Variants in ZNF264 observed in about 807,000 individuals in gnomAD.
ZNF264 encodes the protein zinc finger protein 264.
A neutral mutation model predicts 11.2 loss-of-function variants in ZNF264; 11 were observed. The ratio of observed to expected loss-of-function variants is 0.98; its 90% CI spans 0.62 to 1.63. ZNF264 has a LOEUF of 1.63. Among genes scored for constraint, ZNF264 ranks in the 40% most tolerant of loss-of-function variants. The pLI, the probability that ZNF264 is intolerant of heterozygous loss-of-function variation, is 0.00. For missense variants in ZNF264, 752 were observed against 768.1 expected (o/e 0.98, Z 0.25); for synonymous variants, 309 against 279.8 (o/e 1.10, Z -1.04).
At position 57,205,461 on chromosome 19, in the gene ZNF264, G is replaced by A. The variant is rs758211173; in HGVS notation, c.225G>A (p.Arg75=). Reference sequence around the variant, plus strand: ...AGCATGGGCAGGAGCCATGGACCAGGAAGGAAGACCTCTCCCAAGACACCT... The same window carrying A: ...AGCATGGGCAGGAGCCATGGACCAGAAAGGAAGACCTCTCCCAAGACACCT... ...HLEHGQEPWT[R]KEDLSQDTCP... is the part of the protein sequence containing the mutation. Residue 75 remains arginine (R), a synonymous_variant, in exon 3 of 4, where the codon AGG becomes AGA. Coordinates refer to ENST00000263095, the MANE Select transcript of ZNF264 (RefSeq NM_003417.5). 2.2e-5 allele frequency: 36 copies of A among 1,612,250 alleles called. No individual in the cohort carries two copies. The highest frequency in any genetic ancestry group is 3.1e-5 in the Non-Finnish European group (36 of 1,179,286).
At chr19:57,208,523 A>G (rs1331463586) in intron 3 of ZNF264, among the ~76,000 whole-genome samples, 1 of 152,148 alleles carries the variant, frequency 6.6e-6, no homozygotes, top group African/African-American at 2.4e-5. Flanking sequence ...AGCCTGGGTG[A>G]CAGTGAGCTC....
At chr19:57,210,880 G>C (rs552272718) in intron 3 of ZNF264, among the ~76,000 whole-genome samples, 1 of 152,084 alleles carries the variant, frequency 6.6e-6, no homozygotes. Flanking sequence ...AAACATTTTG[G>C]AACTACTCAG....
chr19:57,222,103 T>G lies in ZNF264; in HGVS notation c.*9122T>G, dbSNP rs764604333. On this transcript the variant is annotated 3_prime_UTR_variant, in exon 4 of 4. Transcript: ENST00000263095. ...TGGCTCACGCCTGTGATACCAGCACTTTTGGGAGGCTGAGGCGGGTGGATC... is the reference window on the plus strand; with the variant it reads ...TGGCTCACGCCTGTGATACCAGCACGTTTGGGAGGCTGAGGCGGGTGGATC... 1.3e-5 allele frequency: 2 copies of G among 152,042 alleles called. No homozygotes were observed. Among genetic ancestry groups the G allele is most frequent in the Non-Finnish European group, 2.9e-5 (2 of 68,006 alleles). 9.4% of individuals were successfully genotyped at this position (152,042 alleles called of 1,614,324 possible). A position where few individuals can be genotyped will look rare whatever the true frequency, so the allele number is the denominator to read the frequency against.
In ZNF264 at chr19:57,212,304, G is replaced by A. The variant is rs773949817; in HGVS notation, c.1207G>A (p.Glu403Lys). ...HTGEKPFECL[E>K]CGKAFNHRSY... ...TGGAGAGAAGCCCTTTGAGTGCCTC[G>A]AGTGTGGGAAGGCTTTCAACCACCG... The change falls in exon 4 of 4, where the codon GAG becomes AAG. Residue 403 changes from glutamate (E) to lysine (K), a missense_variant. Physicochemically the swap from Glu to Lys is moderately conservative, Grantham distance 56 (BLOSUM62 1). Coordinates refer to ENST00000263095, the MANE Select transcript of ZNF264 (RefSeq NM_003417.5). The A allele has an allele frequency of 8.7e-6, 14 of 1,613,752 alleles. No individual in the cohort carries two copies. The highest frequency in any genetic ancestry group is 3.3e-5 in the South Asian group (3 of 91,078).
intron 1 of ZNF264, 148 bp from the exon 2 acceptor site, chr19:57,193,727 C>T: frequency 8.3e-7 from 1 of 1,199,996 alleles, no homozygotes. Context: ...ATCTATCTTC[C>T]CTCTTGAGCC....
At position 57,212,109 on chromosome 19, in the gene ZNF264, A is replaced by G; in HGVS notation, c.1012A>G (p.Ser338Gly). The change falls in exon 4 of 4, where the codon AGT (serine) becomes GGT (glycine). Residue 338 changes from serine (S) to glycine (G), a missense_variant. Ser to Gly is a moderately conservative substitution (Grantham distance 56). Transcript: ENST00000263095. Reference sequence around the variant, plus strand: ...CTTTCTCCGGCACTATGTTGTCCACAGTGGTGAGAATCCCTATGAGTGCTT... The same window carrying G: ...CTTTCTCCGGCACTATGTTGTCCACGGTGGTGAGAATCCCTATGAGTGCTT... Reference protein sequence around the residue: ...PGFLRHYVVHSGENPYECLEC... With the variant: ...PGFLRHYVVHGGENPYECLEC... 6.2e-7 allele frequency: 1 copy of G among 1,614,206 alleles called. No individual in the cohort carries two copies. The highest frequency in any genetic ancestry group is 8.5e-7 in the Non-Finnish European group (1 of 1,180,044).
In ZNF264 at chr19:57,212,869, G is replaced by A; in HGVS notation, c.1772G>A (p.Gly591Glu). ...TSVTLRELLL[G>E]KDFLNVTTEA... ...GTTACCCTTCGAGAACTTCTTTTAG[G>A]GAAGGACTTTTTGAATGTAACCACT... is the stretch of plus-strand genomic sequence containing the variant. The change falls in exon 4 of 4, where the codon GGG (glycine) becomes GAG (glutamate). Residue 591 changes from glycine to glutamate, a missense_variant. Physicochemically the swap from Gly to Glu is moderately conservative, Grantham distance 98. Transcript: ENST00000263095. 6.2e-7 allele frequency: 1 copy of A among 1,614,154 alleles called. No homozygotes were observed. The highest frequency in any genetic ancestry group is 8.5e-7 in the Non-Finnish European group (1 of 1,180,024).
chr19:57,205,469 A>T lies in ZNF264; in HGVS notation c.233A>T (p.Asp78Val). 1 of 1,611,414 alleles carries T rather than the reference A, an allele frequency of 6.2e-7. No homozygotes were observed. The highest frequency in any genetic ancestry group is 8.5e-7 in the Non-Finnish European group (1 of 1,178,924). Residue 78 changes from aspartate (D) to valine (V), a missense_variant, in exon 3 of 4, where the codon GAC (aspartate) becomes GTC (valine). Asp to Val is a radical substitution (Grantham distance 152). Coordinates refer to ENST00000263095, the MANE Select transcript of ZNF264 (RefSeq NM_003417.5). Reference sequence around the variant, plus strand: ...CAGGAGCCATGGACCAGGAAGGAAGACCTCTCCCAAGACACCTGTCCAGGT... The same window carrying T: ...CAGGAGCCATGGACCAGGAAGGAAGTCCTCTCCCAAGACACCTGTCCAGGT... ...HGQEPWTRKE[D>V]LSQDTCPGDK... is the part of the protein sequence containing the mutation.
rs2302059 is a variant in ZNF264, at chr19:57,191,841, T to C, written c.-73T>C. 0.42 allele frequency: 502,113 copies of C among 1,194,174 alleles called. 111,053 individuals carry two copies. Among genetic ancestry groups the C allele is most frequent in the African/African-American group, 0.78 (49,566 of 63,630 alleles). 74.0% of individuals were successfully genotyped at this position (1,194,174 alleles called of 1,614,324 possible). On this transcript the variant is annotated 5_prime_UTR_variant, in exon 1 of 4. Coordinates refer to ENST00000263095, the MANE Select transcript of ZNF264 (RefSeq NM_003417.5). The stretch of plus-strand genomic sequence containing the variant: ...GGAAGCCCCGGGCAACCGGCCAGGG[T>C]CGGGCACAGGTGGGGTCCGTCAGGC...
intron 2 of ZNF264, among the ~76,000 whole-genome samples, chr19:57,203,299 G>T (rs2087266951): frequency 6.6e-6 from 1 of 152,060 alleles, no homozygotes; most frequent in Admixed American, 6.6e-5. Context: ...GTGGTTGGGG[G>T]TATGGTTTGG....
chr19:57,220,579 C>T lies in ZNF264; in HGVS notation c.*7598C>T, dbSNP rs1421870161. 2.0e-5 allele frequency: 3 copies of T among 152,090 alleles called. No individual in the cohort carries two copies. The highest frequency in any genetic ancestry group is 4.4e-5 in the Non-Finnish European group (3 of 68,008). The allele number at this position is 152,090 out of a possible 1,614,324, so 9.4% of individuals were successfully genotyped here. On this transcript the variant is annotated 3_prime_UTR_variant, in exon 4 of 4. Transcript: ENST00000263095. ...CATTCCACCTTTTTTTTTAGTAGAC[C>T]CTCCATATATGTGTGTGTTTTGGTG...
At chr19:57,207,545 C>CTTTTTTTTTTTTTTTTT (rs757880568) in intron 3 of ZNF264, among the ~76,000 whole-genome samples, 3 of 103,122 alleles carry the variant, frequency 2.9e-5, no homozygotes, top group Non-Finnish European at 6.2e-5. Flanking sequence ...TTTTTCTTTT[C>CTTTTTTTTTTTTTTTTT]TTTTTTTTTT....
In ZNF264 at chr19:57,216,532, A is replaced by G. The variant is rs968423774; in HGVS notation, c.*3551A>G. The G allele has an allele frequency of 2.0e-5, 3 of 152,138 alleles. No homozygotes were observed. The highest frequency in any genetic ancestry group is 4.8e-5 in the African/African-American group (2 of 41,432). The allele number at this position is 152,138 out of a possible 1,614,324, so 9.4% of individuals were successfully genotyped here. The stretch of plus-strand genomic sequence containing the variant: ...TGTGATGTCATTTTTTTGCCTTTTA[A>G]TAGTCTTGTCAATACTTTACCTGAT... On this transcript the variant is annotated 3_prime_UTR_variant, in exon 4 of 4. Coordinates refer to ENST00000263095, the MANE Select transcript of ZNF264 (RefSeq NM_003417.5).
intron 2 of ZNF264, among the ~76,000 whole-genome samples, chr19:57,202,980 A>AC (rs950436099): frequency 2.6e-5 from 4 of 151,066 alleles, no homozygotes; most frequent in African/African-American, 9.8e-5. Flanking sequence ...ATTAGAGGAC[A>AC]CCCCCCACTG....
intron 2 of ZNF264, among the ~76,000 whole-genome samples, chr19:57,201,882 G>A (rs1221778353): frequency 3.3e-5 from 5 of 151,788 alleles, no homozygotes; most frequent in Admixed American, 6.6e-5. Context: ...TCCCATGAGC[G>A]CAGAGTCAGC....
Position 57,220,729 on chromosome 19 carries a change from A to G in ZNF264, c.*7748A>G, listed in dbSNP as rs1280687709. 6.6e-6 allele frequency: 1 copy of G among 152,074 alleles called. No individual in the cohort carries two copies. Among genetic ancestry groups the G allele is most frequent in the Non-Finnish European group, 1.5e-5 (1 of 68,042 alleles). 9.4% of individuals were successfully genotyped at this position (152,074 alleles called of 1,614,324 possible). A position where few individuals can be genotyped will look rare whatever the true frequency, so the allele number is the denominator to read the frequency against. On this transcript the variant is annotated 3_prime_UTR_variant, in exon 4 of 4. Coordinates refer to ENST00000263095, the MANE Select transcript of ZNF264 (RefSeq NM_003417.5). ...GCGATCTCAGTTCACTGCAACCTCCATCCCCCCATGTTCAAGCAATTCTCC... is the reference window on the plus strand; with the variant it reads ...GCGATCTCAGTTCACTGCAACCTCCGTCCCCCCATGTTCAAGCAATTCTCC...
At chr19:57,192,418 C>T (rs572086152) in intron 1 of ZNF264, 1 of 985,276 alleles carries the variant, frequency 1.0e-6, no homozygotes. Flanking sequence ...TAGCCATCCG[C>T]AACTACTGCA....
chr19:57,209,841 G>A (rs1174949262), intron 3 of ZNF264, among the ~76,000 whole-genome samples: 1 of 151,984 alleles, frequency 6.6e-6, no homozygotes, highest in Non-Finnish European at 1.5e-5. Flanking sequence ...CGAGTAATCT[G>A]CTCACCTCGG....
rs771781963 is a variant in ZNF264, at chr19:57,212,417, T to C, written c.1320T>C (p.Ser440=). ...GTGGAAAGGCCTTCACCCACTGCTC[T>C]ACTTTTATCTTGCATAAAAGGGCCC... ...SECGKAFTHC[S]TFILHKRAHT... is the part of the protein sequence containing the mutation. The change falls in exon 4 of 4, where the codon TCT becomes TCC. Residue 440 remains serine, a synonymous_variant. Transcript: ENST00000263095. 4.3e-6 allele frequency: 7 copies of C among 1,613,724 alleles called. No individual in the cohort carries two copies. The Admixed American group carries it at 1.2e-4, about 27-fold the overall frequency.
Sources: gnomAD v4.1 joint callset for allele counts (sites outside exome capture counted in the v4.1 genomes callset) on GRCh38, gnomAD v4.1.1 for gene constraint, MANE v1.5 for transcripts, NCBI Gene and HGNC (gene_info 2026-07-23, HGNC 2026-07-21) for gene names.